GPR158: variants seen among roughly 807,000 people sequenced by gnomAD.
GPR158 encodes the protein G protein-coupled receptor 158.
A neutral mutation model predicts 78.2 loss-of-function variants in GPR158; 30 were observed. That is an observed-to-expected ratio of 0.38 (90% CI 0.29 to 0.52). The LOEUF is 0.52. GPR158 is among the 20% of genes least tolerant of loss of function. GPR158 has a pLI of 0.83. For synonymous variants in GPR158, 581 were observed against 591.1 expected, an observed-to-expected ratio of 0.98 and a Z score of 0.25; for missense variants, 1,463 against 1,523.5, an observed-to-expected ratio of 0.96 and a Z score of 0.66.
At chr10:25,212,592 T>C (rs1435258705) in intron 1 of GPR158, among the ~76,000 whole-genome samples, 2 of 151,926 alleles carry the variant, frequency 1.3e-5, no homozygotes, top group African/African-American at 4.8e-5. Context: ...ATAGAGGTTT[T>C]GTGTATTCTT....
intron 2 of GPR158, among the ~76,000 whole-genome samples, chr10:25,338,261 G>A (rs1451034217): frequency 6.7e-6 from 1 of 149,884 alleles, no homozygotes; most frequent in African/African-American, 2.4e-5. Flanking sequence ...CATTCATTTG[G>A]AATTGATTAT....
chr10:25,220,620 A>G (rs540228097), intron 1 of GPR158, among the ~76,000 whole-genome samples: 171 of 152,284 alleles, frequency 1.1e-3, no homozygotes, highest in Non-Finnish European at 2.0e-3. Flanking sequence ...TGTCCTCCCT[A>G]CTCAATCTTC....
At chr10:25,481,012 A>G (rs762251064) in intron 5 of GPR158, among the ~76,000 whole-genome samples, 2 of 152,184 alleles carry the variant, frequency 1.3e-5, no homozygotes, top group East Asian at 3.9e-4. Context: ...AATTGGGCTT[A>G]TGTGTGTCAG....
intron 5 of GPR158, among the ~76,000 whole-genome samples, chr10:25,474,597 G>T (rs113492157): frequency 0.03 from 4,603 of 152,108 alleles, 120 homozygotes; most frequent in African/African-American, 0.068. Flanking sequence ...TTGTAATTAC[G>T]CATTCAAAAG....
chr10:25,551,399 CAGCTGAAATAAGGATACATAT>C (rs1782283611), intron 6 of GPR158, among the ~76,000 whole-genome samples: 1 of 152,134 alleles, frequency 6.6e-6, no homozygotes, highest in South Asian at 2.1e-4. Context: ...AAAGGTAATA[CAGCTGAAATAAGGATACATAT>C]CCAGAGTGAC....
At chr10:25,397,529 A>G (rs1834379096) in intron 3 of GPR158, among the ~76,000 whole-genome samples, 1 of 152,226 alleles carries the variant, frequency 6.6e-6, no homozygotes, top group Admixed American at 6.5e-5. Flanking sequence ...TGAGACCTGA[A>G]TGTCTTCCTC....
intron 2 of GPR158, among the ~76,000 whole-genome samples, chr10:25,367,577 A>G (rs1855742679): frequency 6.6e-6 from 1 of 151,740 alleles, no homozygotes; most frequent in African/African-American, 2.4e-5. Flanking sequence ...GGAAATCTTG[A>G]TAATAGTCTT....
chr10:25,347,568 T>C (rs910094498), intron 2 of GPR158, among the ~76,000 whole-genome samples: 1 of 152,004 alleles, frequency 6.6e-6, no homozygotes, highest in Non-Finnish European at 1.5e-5. Context: ...ACCATTCTAT[T>C]TGACATATGT....
chr10:25,197,378 A>T (rs1852857304), intron 1 of GPR158, among the ~76,000 whole-genome samples: 1 of 152,160 alleles, frequency 6.6e-6, no homozygotes, highest in Admixed American at 6.5e-5. Context: ...TTCAATGAGG[A>T]TGTTTTAAGG....
intron 4 of GPR158, among the ~76,000 whole-genome samples, chr10:25,419,753 G>T (rs1461754104): frequency 6.6e-6 from 1 of 152,010 alleles, no homozygotes; most frequent in Admixed American, 6.6e-5. Flanking sequence ...TTTTCCTAAT[G>T]ATTAGTGACA....
chr10:25,331,654 C>T (rs755043865), intron 2 of GPR158, among the ~76,000 whole-genome samples: 5 of 152,208 alleles, frequency 3.3e-5, no homozygotes, highest in Non-Finnish European at 5.9e-5. Flanking sequence ...AATATCTGGT[C>T]ACCGCTGCCT....
chr10:25,525,379 A>G (rs1836333936), intron 5 of GPR158, among the ~76,000 whole-genome samples: 2 of 152,228 alleles, frequency 1.3e-5, no homozygotes, highest in African/African-American at 2.4e-5. Context: ...AGCAATTCGC[A>G]TGTTCATTAA....
At chr10:25,367,067 A>G (rs1197834748) in intron 2 of GPR158, among the ~76,000 whole-genome samples, 1 of 151,666 alleles carries the variant, frequency 6.6e-6, no homozygotes, top group Non-Finnish European at 1.5e-5. Context: ...TTTATATTTA[A>G]TAATACCCCA....
intron 5 of GPR158, among the ~76,000 whole-genome samples, chr10:25,521,592 A>G (rs932321627): frequency 3.3e-5 from 5 of 152,298 alleles, no homozygotes; most frequent in African/African-American, 9.6e-5. Context: ...TTTTGGGGGC[A>G]TTAAAGAACC....
intron 2 of GPR158, among the ~76,000 whole-genome samples, chr10:25,367,748 C>G (rs1366725906): frequency 2.0e-5 from 3 of 151,758 alleles, no homozygotes; most frequent in Non-Finnish European, 4.4e-5. Flanking sequence ...CACCTTCCTG[C>G]TGGATTGGCA....
intron 2 of GPR158, among the ~76,000 whole-genome samples, chr10:25,279,444 A>G (rs1050483919): frequency 3.3e-5 from 5 of 152,126 alleles, no homozygotes; most frequent in African/African-American, 1.2e-4. Flanking sequence ...ACCGAGTCCA[A>G]TGAACATCCA....
At chr10:25,240,424 G>A (rs544336487) in intron 2 of GPR158, among the ~76,000 whole-genome samples, 27 of 152,310 alleles carry the variant, frequency 1.8e-4, no homozygotes, top group Admixed American at 4.6e-4. Flanking sequence ...CAGGAGAATC[G>A]CTTGAACCCA....
chr10:25,241,169 CTTTCTTTCTTTCTTTCTTTCCTTT>C lies in GPR158; in HGVS notation c.1008+20013_1008+20036del, dbSNP rs1240302035. ...TCTTTCTTTCTTTCTTTCTTTCTTT[CTTTCTTTCTTTCTTTCTTTCCTTT>C]CTTTCTTTCCTTTCTTTCCTTTCTT... On this transcript the variant is annotated intron_variant, in intron 2 of 10. Coordinates refer to ENST00000376351, the MANE Select transcript of GPR158 (RefSeq NM_020752.3). Among the ~76,000 whole-genome samples the C allele has an allele frequency of 4.5e-3, 497 of 110,106 alleles. 14 individuals are homozygous for C. The highest frequency in any genetic ancestry group is 0.018 in the African/African-American group (465 of 25,412). The allele number at this position is 110,106 out of a possible 152,430, so 72.2% of individuals were successfully genotyped here.
chr10:25,415,384 A>T (rs1254983500), intron 4 of GPR158, among the ~76,000 whole-genome samples: 1 of 151,538 alleles, frequency 6.6e-6, no homozygotes, highest in Non-Finnish European at 1.5e-5. Flanking sequence ...CTCCAAAGAA[A>T]ATATATATAT....
Sources: gnomAD v4.1 joint callset for allele counts (sites outside exome capture counted in the v4.1 genomes callset) on GRCh38, gnomAD v4.1.1 for gene constraint, MANE v1.5 for transcripts, NCBI Gene and HGNC (gene_info 2026-07-23, HGNC 2026-07-21) for gene names.